SUCLA2: variants seen among roughly 807,000 people sequenced by gnomAD.
SUCLA2 encodes the protein succinate--CoA ligase [ADP-forming] subunit beta, mitochondrial.
Under a neutral mutation model 54.8 loss-of-function variants are expected in SUCLA2, and 30 were observed. The observed-to-expected ratio is 0.55, with a 90% CI of 0.41 to 0.74. SUCLA2 has a LOEUF of 0.74. Ranked by LOEUF, SUCLA2 falls within the 30% of genes least tolerant of loss-of-function variation. The probability of loss-of-function intolerance (pLI) is 0.00; values close to 1 mark genes in which losing one functional copy is unlikely to be tolerated. For missense variants in SUCLA2, 476 were observed against 562.9 expected (o/e 0.85, Z 1.56); for synonymous variants, 172 against 188.9 (o/e 0.91, Z 0.74).
intron 6 of SUCLA2, among the ~76,000 whole-genome samples, chr13:47,956,101 A>C (rs1025289884): frequency 6.6e-6 from 1 of 152,224 alleles, no homozygotes; most frequent in African/African-American, 2.4e-5. Flanking sequence ...AACTGAAACC[A>C]AACCCACAGT....
chr13:47,998,451 G>A (rs1950206123), intron 1 of SUCLA2, among the ~76,000 whole-genome samples: 1 of 152,060 alleles, frequency 6.6e-6, no homozygotes, highest in South Asian at 2.1e-4. Flanking sequence ...AATGTCTAGA[G>A]TGTCCAGAGC....
Position 47,943,514 on chromosome 13 carries a change from T to G in SUCLA2, c.1318-69A>C, listed in dbSNP as rs886068121. 9 of 1,408,684 alleles carry G rather than the reference T, an allele frequency of 6.4e-6. No individual in the cohort carries two copies. The Admixed American group carries it at 1.2e-4, about 19-fold the overall frequency. The allele number at this position is 1,408,684 out of a possible 1,614,324, so 87.3% of individuals were successfully genotyped here. A position where few individuals can be genotyped will look rare whatever the true frequency, so the allele number is the denominator to read the frequency against. On this transcript the variant is annotated intron_variant, in intron 10 of 10. Transcript: ENST00000646932. ...GAACTACAGGTCAGTGCAAAATTAA[T>G]GTACACTCAATTTTTTCCATTTAAA...
At chr13:47,960,934 C>A (rs1433576527) in intron 6 of SUCLA2, among the ~76,000 whole-genome samples, 1 of 152,068 alleles carries the variant, frequency 6.6e-6, no homozygotes, top group Non-Finnish European at 1.5e-5. Flanking sequence ...ACTGTAAAGG[C>A]CGATTTTGAG....
At chr13:47,977,074 TA>T (rs1295041514) in intron 4 of SUCLA2, among the ~76,000 whole-genome samples, 1 of 149,536 alleles carries the variant, frequency 6.7e-6, no homozygotes, top group Non-Finnish European at 1.5e-5. Flanking sequence ...CCTTTAACTA[TA>T]AAAAAATAGA....
At chr13:47,949,874 T>C (rs1949762588) in intron 8 of SUCLA2, among the ~76,000 whole-genome samples, 1 of 152,178 alleles carries the variant, frequency 6.6e-6, no homozygotes, top group South Asian at 2.1e-4. Context: ...TCTAATTCCA[T>C]TTACTTTCTC....
intron 4 of SUCLA2, among the ~76,000 whole-genome samples, chr13:47,977,986 C>T (rs1264155987): frequency 1.3e-5 from 2 of 152,088 alleles, no homozygotes; most frequent in Non-Finnish European, 2.9e-5. Flanking sequence ...TCAAAGAGAA[C>T]TATAAACCAC....
intron 6 of SUCLA2, among the ~76,000 whole-genome samples, chr13:47,963,381 C>G (rs140472075): frequency 1.3e-5 from 2 of 152,164 alleles, no homozygotes; most frequent in African/African-American, 4.8e-5. Context: ...CAGTGGCTCA[C>G]GCCTGTAATC....
intron 10 of SUCLA2, among the ~76,000 whole-genome samples, chr13:47,946,224 T>C (rs1949730325): frequency 1.3e-5 from 2 of 152,240 alleles, no homozygotes; most frequent in Admixed American, 6.5e-5. Flanking sequence ...CTATGTCTAA[T>C]ACATAAACTT....
intron 4 of SUCLA2, among the ~76,000 whole-genome samples, chr13:47,987,192 T>C (rs1950110838): frequency 6.6e-6 from 1 of 152,212 alleles, no homozygotes; most frequent in South Asian, 2.1e-4. Context: ...TTTGATCCTT[T>C]TCCCAAATGC....
At chr13:47,992,411 T>A (rs112160783) in intron 2 of SUCLA2, among the ~76,000 whole-genome samples, 4,021 of 126,126 alleles carry the variant, frequency 0.032, 115 homozygotes, top group East Asian at 0.087. Flanking sequence ...AAAAAAAAAA[T>A]TTTTCATGAA....
intron 2 of SUCLA2, among the ~76,000 whole-genome samples, chr13:47,989,516 A>G (rs949627512): frequency 6.6e-6 from 1 of 151,648 alleles, no homozygotes; most frequent in Non-Finnish European, 1.5e-5. Context: ...GATTACAGGC[A>G]TGAGCCACCG....
chr13:47,961,664 A>G (rs998772639), intron 6 of SUCLA2, among the ~76,000 whole-genome samples: 6 of 152,158 alleles, frequency 3.9e-5, no homozygotes, highest in Admixed American at 3.3e-4. Flanking sequence ...TTATTTAGAT[A>G]TGTTGTTAAT....
chr13:47,968,042 G>A (rs558226560), intron 6 of SUCLA2, among the ~76,000 whole-genome samples: 88 of 152,210 alleles, frequency 5.8e-4, no homozygotes, highest in African/African-American at 2.1e-3. Context: ...ATGTTATTAA[G>A]TGAATAAAGA....
intron 2 of SUCLA2, among the ~76,000 whole-genome samples, chr13:47,992,382 C>A (rs1312442641): frequency 2.3e-4 from 11 of 48,510 alleles, no homozygotes; most frequent in Non-Finnish European, 2.3e-4. Context: ...CCCTTCACAA[C>A]GAAAGCAAAA....
rs775767182 is a variant in SUCLA2, at chr13:47,954,444, T to G, written c.916A>C (p.Lys306Gln). The part of the protein sequence containing the change: ...QEDERDKDAA[K>Q]ANLNYIGLDG... ...AGGCCAATGTAGTTGAGATTTGCCT[T>G]AGCAGCATCTTTGTCCCTTTCATCT... The change falls in exon 7 of 11, where the codon AAG becomes CAG. Residue 306 changes from lysine to glutamine, a missense_variant. Lys to Gln is a moderately conservative substitution (Grantham distance 53). Transcript: ENST00000646932. 35 of 1,613,932 alleles carry G rather than the reference T, an allele frequency of 2.2e-5. No individual in the cohort carries two copies. The highest frequency in any genetic ancestry group is 2.8e-5 in the Non-Finnish European group (33 of 1,179,938).
Position 47,952,918 on chromosome 13 carries a change from G to T in SUCLA2, c.1107+1222C>A, listed in dbSNP as rs372414109. 3.1e-3 allele frequency among the ~76,000 whole-genome samples: 468 copies of T among 151,962 alleles called. 2 individuals carry two copies. The highest frequency in any genetic ancestry group is 5.3e-3 in the Non-Finnish European group (360 of 67,948). Reference sequence around the variant, plus strand: ...TGTCTTTGTACATTTTCTTCCTCTTGCCCTCATTTAATTTTCAAGACAGCT... The same window carrying T: ...TGTCTTTGTACATTTTCTTCCTCTTTCCCTCATTTAATTTTCAAGACAGCT... On this transcript the variant is annotated intron_variant, in intron 8 of 10. Transcript: ENST00000646932.
intron 2 of SUCLA2, among the ~76,000 whole-genome samples, chr13:47,996,621 T>G (rs774889808): frequency 1.3e-5 from 2 of 151,968 alleles, no homozygotes; most frequent in African/African-American, 4.8e-5. Flanking sequence ...CTAATGCCAA[T>G]GTAAGTGACT....
chr13:47,974,088 TAA>T (rs34269144), intron 4 of SUCLA2, among the ~76,000 whole-genome samples: 4 of 149,726 alleles, frequency 2.7e-5, no homozygotes, highest in South Asian at 2.1e-4. Flanking sequence ...AAAGTATAAT[TAA>T]AAAAAAAAAG....
intron 6 of SUCLA2, among the ~76,000 whole-genome samples, chr13:47,954,895 C>T (rs1191062954): frequency 6.6e-6 from 1 of 152,096 alleles, no homozygotes; most frequent in African/African-American, 2.4e-5. Flanking sequence ...CATATCCCAT[C>T]CCCTCTCCTC....
Sources: allele counts gnomAD v4.1 joint callset (sites outside exome capture counted in the v4.1 genomes callset), GRCh38; gene constraint gnomAD v4.1.1; transcripts MANE v1.5; gene names NCBI Gene and HGNC (gene_info 2026-07-23, HGNC 2026-07-21).